ACR: variants seen among roughly 807,000 people sequenced by gnomAD.
The protein encoded by ACR is acrosin light and heavy chain prepropeptide.
In ACR, 17 loss-of-function variants were observed where a neutral mutation model predicts 26.0. The ratio of observed to expected loss-of-function variants is 0.65; its 90% CI spans 0.45 to 0.98. The LOEUF (loss-of-function observed/expected upper bound fraction) is 0.98, where lower values mean the gene tolerates loss of function less well. ACR is among the 50% of genes least tolerant of loss of function. The probability of loss-of-function intolerance (pLI) is 0.00; values close to 1 mark genes in which losing one functional copy is unlikely to be tolerated. For missense variants in ACR, 435 were observed against 519.3 expected (o/e 0.84, Z 1.58); for synonymous variants, 199 against 207.7 (o/e 0.96, Z 0.36).
chr22:50,739,176 T>C lies in ACR; in HGVS notation c.78-95T>C. On this transcript the variant is annotated intron_variant, in intron 1 of 4. Transcript: ENST00000216139. This position sits in a 1 kb window ranked among gnomAD's most constrained non-coding sequence, Gnocchi z 5.5. Reference sequence around the variant, plus strand: ...GAACCCGGAAGCTCTTCCCCACTTTTCCCAACCCCATGTCCCTGCCTCCCC... The same window carrying C: ...GAACCCGGAAGCTCTTCCCCACTTTCCCCAACCCCATGTCCCTGCCTCCCC... 8.4e-7 allele frequency: 1 copy of C among 1,195,964 alleles called. No homozygotes were observed. The highest frequency in any genetic ancestry group is 2.6e-5 in the East Asian group (1 of 38,704). The allele number at this position is 1,195,964 out of a possible 1,614,324, so 74.1% of individuals were successfully genotyped here.
At chr22:50,743,928 G>A (rs2083437783) in intron 3 of ACR, 133 bp from the exon 4 acceptor site, 3 of 756,916 alleles carry the variant, frequency 4.0e-6, no homozygotes, top group South Asian at 1.6e-5. Context: ...GTATAAGGAG[G>A]GGTCGGGGCA....
At chr22:50,740,880 G>A (rs771802837) in intron 3 of ACR, 53 of 596,452 alleles carry the variant, frequency 8.9e-5, no homozygotes, top group South Asian at 4.1e-4. Context: ...GGTCAGAGAC[G>A]CCCAGACACC....
At chr22:50,744,506 C>T in intron 4 of ACR, 147 bp from the exon 5 acceptor site, 1 of 1,245,128 alleles carries the variant, frequency 8.0e-7, no homozygotes, top group East Asian at 2.6e-5. Context: ...GCCCCTGACA[C>T]CCCCTCAAAC....
In ACR at chr22:50,744,146, G is replaced by A. The variant is rs759261860; in HGVS notation, c.651G>A (p.Gly217=). The change falls in exon 4 of 5, where the codon GGG becomes GGA. Residue 217 remains glycine (G), a synonymous_variant. Coordinates refer to ENST00000216139, the MANE Select transcript of ACR (RefSeq NM_001097.3). ...GTAACTCGACCCAGTGGTACAATGGGCGCGTTCAGCCAACCAATGTGTGCG... is the reference window on the plus strand; with the variant it reads ...GTAACTCGACCCAGTGGTACAATGGACGCGTTCAGCCAACCAATGTGTGCG... ...DLCNSTQWYN[G]RVQPTNVCAG... 6.2e-7 allele frequency: 1 copy of A among 1,613,920 alleles called. No homozygotes were observed. The highest frequency in any genetic ancestry group is 8.5e-7 in the Non-Finnish European group (1 of 1,179,840).
rs151269264 is a variant in ACR, at chr22:50,738,307, G to C, written c.72G>C (p.Thr24=). Residue 24 remains threonine (T), a synonymous_variant, in exon 1 of 5, where the codon ACG becomes ACC. Coordinates refer to ENST00000216139, the MANE Select transcript of ACR (RefSeq NM_001097.3). ...CCGTGGTTGCTAAAGATAACGCCACGTGTGAGTAAGTGTCGGGGCACCTTG... is the reference window on the plus strand; with the variant it reads ...CCGTGGTTGCTAAAGATAACGCCACCTGTGAGTAAGTGTCGGGGCACCTTG... ...AVSVVAKDNA[T]CDGPCGLRFR... is the part of the protein sequence containing the mutation. 39 of 1,613,846 alleles carry C rather than the reference G, an allele frequency of 2.4e-5. No homozygotes were observed. Among genetic ancestry groups the C allele is most frequent in the East Asian group, 2.0e-4 (9 of 44,882 alleles).
intron 1 of ACR, 99 bp downstream of exon 1, chr22:50,738,411 C>T (rs903551281): frequency 2.5e-6 from 3 of 1,218,268 alleles, no homozygotes; most frequent in East Asian, 5.1e-5. Flanking sequence ...GGCTGCATCC[C>T]TAACCTGGAC....
Position 50,743,874 on chromosome 22 carries a change from A to T in ACR, c.566-187A>T, listed in dbSNP as rs1344315059. 4.6e-5 allele frequency among the ~76,000 whole-genome samples: 7 copies of T among 151,748 alleles called. No homozygotes were observed. The South Asian group carries it at 1.5e-3, about 32-fold the overall frequency. On this transcript the variant is annotated intron_variant, in intron 3 of 4. Transcript: ENST00000216139. ...CTCCTCTGGCCTTGATTTGGATAAC[A>T]TTTCCCCACCTCCTCCCACCACCTC...
At position 50,741,850 on chromosome 22, in the gene ACR, G is replaced by A. The variant is rs1317325983; in HGVS notation, c.565+1873G>A. ...ATTTGTTATTTAAAGCCCAGGTGTC[G>A]GCTGGGTGCAGTTGCTCATTCCTGT... On this transcript the variant is annotated intron_variant, in intron 3 of 4. Coordinates refer to ENST00000216139, the MANE Select transcript of ACR (RefSeq NM_001097.3). Among the ~76,000 whole-genome samples the A allele has an allele frequency of 5.3e-5, 8 of 151,160 alleles. No individual in the cohort carries two copies. In the East Asian group the frequency reaches 7.7e-4, roughly 15 times the overall value.
intron 3 of ACR, 174 bp downstream of exon 3, chr22:50,740,151 G>A (rs2083419009): frequency 3.6e-6 from 3 of 829,694 alleles, no homozygotes; most frequent in Non-Finnish European, 6.0e-6. Context: ...GTCACGTGAT[G>A]GGTGACTCGT....
rs774080258 is a variant in ACR, at chr22:50,739,992, G to C, written c.565+15G>C. 1.2e-6 allele frequency: 2 copies of C among 1,612,830 alleles called. No individual in the cohort carries two copies. The highest frequency in any genetic ancestry group is 1.1e-5 in the South Asian group (1 of 91,024). The stretch of plus-strand genomic sequence containing the variant: ...AGAAGAGAAAGGTGAGTATGGGAGC[G>C]CCTCCAAGGGGGGACGCTGCTGGCC... On this transcript the variant is annotated intron_variant, in intron 3 of 4. Coordinates refer to ENST00000216139, the MANE Select transcript of ACR (RefSeq NM_001097.3). The surrounding 1 kb of genome is among the most constrained non-coding windows in gnomAD (Gnocchi z 5.5).
chr22:50,742,060 C>T (rs1344802579), intron 3 of ACR, among the ~76,000 whole-genome samples: 5 of 151,780 alleles, frequency 3.3e-5, no homozygotes, highest in Admixed American at 6.6e-5. Context: ...CACTTGAACC[C>T]GGGAGGTGAA....
Position 50,739,358 on chromosome 22 carries a change from C to T in ACR, c.165C>T (p.Pro55=), listed in dbSNP as rs1371712919. 4 of 1,613,354 alleles carry T rather than the reference C, an allele frequency of 2.5e-6. No individual in the cohort carries two copies. Among genetic ancestry groups the T allele is most frequent in the Non-Finnish European group, 3.4e-6 (4 of 1,179,722 alleles). ...AGGCTGCACAGCATGGGGCCTGGCC[C>T]TGGATGGTCAGCCTCCAGATCTTCA... The part of the protein sequence containing the change: ...GGKAAQHGAW[P]WMVSLQIFTY... Residue 55 remains proline (P), a synonymous_variant, in exon 2 of 5, where the codon CCC becomes CCT. Coordinates refer to ENST00000216139, the MANE Select transcript of ACR (RefSeq NM_001097.3). This position sits in a 1 kb window ranked among gnomAD's most constrained non-coding sequence, Gnocchi z 5.5.
chr22:50,741,364 C>A (rs1257917528), intron 3 of ACR, among the ~76,000 whole-genome samples: 1 of 151,930 alleles, frequency 6.6e-6, no homozygotes, highest in African/African-American at 2.4e-5. Context: ...GCTGCCGATA[C>A]CCATGGCTCT....
chr22:50,739,952 C>T lies in ACR; in HGVS notation c.540C>T (p.Ala180=), dbSNP rs764169031. ...GAGGCTCCCAGAGCTGCTGGGTGGC[C>T]GGCTGGGGATATATAGAAGAGAAAG... The part of the protein sequence containing the change: ...LPRGSQSCWV[A]GWGYIEEKAP... Residue 180 remains alanine (A), a synonymous_variant, in exon 3 of 5, where the codon GCC becomes GCT. Coordinates refer to ENST00000216139, the MANE Select transcript of ACR (RefSeq NM_001097.3). This position sits in a 1 kb window ranked among gnomAD's most constrained non-coding sequence, Gnocchi z 5.5. 114 of 1,613,674 alleles carry T rather than the reference C, an allele frequency of 7.1e-5. No individual in the cohort carries two copies. Among genetic ancestry groups the T allele is most frequent in the East Asian group, 2.2e-4 (10 of 44,878 alleles).
chr22:50,744,366 T>G (rs1182103862), intron 4 of ACR, among the ~76,000 whole-genome samples, 160 bp downstream of exon 4: 1 of 151,426 alleles, frequency 6.6e-6, no homozygotes, highest in Admixed American at 6.6e-5. Flanking sequence ...TAGCACCTAC[T>G]CTCACAGTGG....
Position 50,738,292 on chromosome 22 carries a change from T to C in ACR, c.57T>C (p.Ala19=). 6.2e-7 allele frequency: 1 copy of C among 1,613,952 alleles called. No individual in the cohort carries two copies. The highest frequency in any genetic ancestry group is 1.7e-4 in the Middle Eastern group (1 of 6,034). ...ILLVLAVSVV[A]KDNATCDGPC... is the part of the protein sequence containing the mutation. ...TGGTCTTGGCAGTGTCCGTGGTTGCTAAAGATAACGCCACGTGTGAGTAAG... is the reference window on the plus strand; with the variant it reads ...TGGTCTTGGCAGTGTCCGTGGTTGCCAAAGATAACGCCACGTGTGAGTAAG... Residue 19 remains alanine (A), a synonymous_variant, in exon 1 of 5, where the codon GCT becomes GCC. Coordinates refer to ENST00000216139, the MANE Select transcript of ACR (RefSeq NM_001097.3).
intron 3 of ACR, among the ~76,000 whole-genome samples, chr22:50,743,802 C>T (rs1168489888): frequency 6.6e-6 from 1 of 152,204 alleles, no homozygotes; most frequent in Non-Finnish European, 1.5e-5. Context: ...CACCCACCCC[C>T]CATCCACCTG....
intron 3 of ACR, chr22:50,740,336 G>A (rs913956414): frequency 1.9e-5 from 11 of 570,706 alleles, no homozygotes; most frequent in South Asian, 6.0e-5. Flanking sequence ...TTATGTGGCC[G>A]TATGACAGTG....
At chr22:50,740,239 G>A in intron 3 of ACR, 1 of 592,716 alleles carries the variant, frequency 1.7e-6, no homozygotes, top group East Asian at 2.9e-5. Flanking sequence ...GGCTGTGTCT[G>A]TATTTGGCAC....
Sources: allele counts gnomAD v4.1 joint callset (sites outside exome capture counted in the v4.1 genomes callset), GRCh38; gene constraint gnomAD v4.1.1; non-coding constraint Gnocchi (gnomAD v3.1); transcripts MANE v1.5; gene names NCBI Gene and HGNC (gene_info 2026-07-23, HGNC 2026-07-21).